TMEM132D: variants seen among roughly 807,000 people sequenced by gnomAD.
The protein encoded by TMEM132D is mature OL transmembrane protein.
A neutral mutation model predicts 62.3 loss-of-function variants in TMEM132D; 21 were observed. The observed-to-expected ratio is 0.34, with a 90% confidence interval of 0.24 to 0.49. TMEM132D has a LOEUF of 0.49. Among genes scored for constraint, TMEM132D ranks in the 20% least tolerant of loss-of-function variants. The probability of loss-of-function intolerance (pLI) is 0.99; values close to 1 mark genes in which losing one functional copy is unlikely to be tolerated. For missense variants in TMEM132D, 1,346 were observed against 1,402.8 expected, an observed-to-expected ratio of 0.96 and a Z score of 0.65; for synonymous variants, 621 against 575.6, an observed-to-expected ratio of 1.08 and a Z score of -1.13.
intron 4 of TMEM132D, among the ~76,000 whole-genome samples, chr12:129,256,818 C>A (rs1472769755): frequency 6.6e-6 from 1 of 152,218 alleles, no homozygotes; most frequent in Non-Finnish European, 1.5e-5. Context: ...GCTTTGACCT[C>A]CCAAAGGGCT....
chr12:129,087,955 CTGACCGGGGTGTCCTCCA>C (rs1874692639), intron 5 of TMEM132D, among the ~76,000 whole-genome samples: 4 of 33,394 alleles, frequency 1.2e-4, no homozygotes, highest in African/African-American at 4.4e-4. Context: ...GGTGTCCTCC[CTGACCGGGGTGTCCTCCA>C]TGACCGGGTG....
Position 129,648,276 on chromosome 12 carries a change from G to A in TMEM132D, c.968+51534C>T, listed in dbSNP as rs1027160200. The stretch of plus-strand genomic sequence containing the variant: ...ATCCTGTCCTGTGACCTCCACCCAG[G>A]AGCTGATTCAGTGCAGGAGGACAGC... On this transcript the variant is annotated intron_variant, in intron 2 of 8. Transcript: ENST00000422113. Among the ~76,000 whole-genome samples the A allele has an allele frequency of 3.3e-5, 5 of 152,124 alleles. No individual in the cohort carries two copies. In the South Asian group the frequency reaches 8.3e-4, roughly 25 times the overall value.
intron 2 of TMEM132D, among the ~76,000 whole-genome samples, chr12:129,598,103 G>A (rs1489603526): frequency 6.6e-6 from 1 of 152,178 alleles, no homozygotes; most frequent in African/African-American, 2.4e-5. Flanking sequence ...AATATAAATT[G>A]TACACATTTG....
At chr12:129,725,756 C>G (rs1479667505) in intron 1 of TMEM132D, among the ~76,000 whole-genome samples, 1 of 152,234 alleles carries the variant, frequency 6.6e-6, no homozygotes, top group African/African-American at 2.4e-5. Flanking sequence ...AGGCAGGCAT[C>G]TGCACAGAAA....
At chr12:129,522,206 A>G (rs1425453069) in intron 3 of TMEM132D, among the ~76,000 whole-genome samples, 2 of 152,214 alleles carry the variant, frequency 1.3e-5, no homozygotes, top group African/African-American at 4.8e-5. Flanking sequence ...AGCTGTCAGA[A>G]GAAAGTTGCT....
intron 3 of TMEM132D, among the ~76,000 whole-genome samples, chr12:129,497,774 C>T (rs61462200): frequency 6.6e-6 from 1 of 152,082 alleles, no homozygotes; most frequent in Non-Finnish European, 1.5e-5. Context: ...ATTCTCTCAC[C>T]TCAGCTTCCC....
chr12:129,474,927 A>G (rs2137049526), intron 3 of TMEM132D, among the ~76,000 whole-genome samples: 1 of 152,340 alleles, frequency 6.6e-6, no homozygotes, highest in African/African-American at 2.4e-5. Flanking sequence ...GGCTTTGGCC[A>G]GGCTGCATGC....
chr12:129,683,286 G>A (rs1003764375), intron 2 of TMEM132D, among the ~76,000 whole-genome samples: 1 of 152,196 alleles, frequency 6.6e-6, no homozygotes, highest in Non-Finnish European at 1.5e-5. Context: ...AAACTATAGG[G>A]CCTCTGGCCA....
intron 2 of TMEM132D, among the ~76,000 whole-genome samples, chr12:129,579,337 C>T (rs1001501694): frequency 1.2e-4 from 18 of 152,004 alleles, no homozygotes; most frequent in Admixed American, 7.9e-4. Flanking sequence ...TCTACAGGGA[C>T]GAAACTAATC....
chr12:129,466,279 CTTTTTTTTTTTTTTTTTTTTTTTTT>C (rs551019541), intron 3 of TMEM132D, among the ~76,000 whole-genome samples: 3 of 100,398 alleles, frequency 3.0e-5, no homozygotes, highest in Non-Finnish European at 3.9e-5. Flanking sequence ...TAGATTTTTC[CTTTTTTTTTTTTTTTTTTTTTTTTT>C]TTTTTTTTTT....
chr12:129,821,699 C>T lies in TMEM132D; in HGVS notation c.79+81562G>A, dbSNP rs11060571. ...CCCATTTTGGACAGTGCCACTCACCCTTCAACACACAGGTGCATCACCTGG... is the reference window on the plus strand; with the variant it reads ...CCCATTTTGGACAGTGCCACTCACCTTTCAACACACAGGTGCATCACCTGG... On this transcript the variant is annotated intron_variant, in intron 1 of 8. Transcript: ENST00000422113. Among the ~76,000 whole-genome samples, 1,115 of 152,310 alleles carry T rather than the reference C, an allele frequency of 7.3e-3. 30 individuals carry two copies. The South Asian group carries it at 0.078, about 11-fold the overall frequency.
Position 129,722,361 on chromosome 12 carries a change from C to T in TMEM132D, c.80-21663G>A, listed in dbSNP as rs888663262. 3.9e-5 allele frequency among the ~76,000 whole-genome samples: 6 copies of T among 152,326 alleles called. No homozygotes were observed. In the East Asian group the frequency reaches 7.7e-4, roughly 20 times the overall value. On this transcript the variant is annotated intron_variant, in intron 1 of 8. Coordinates refer to ENST00000422113, the MANE Select transcript of TMEM132D (RefSeq NM_133448.3). ...GTCACTCTTCCCCTAGCTGGTGCCA[C>T]CCCAACCTGGGCCTGCTGCAAGCCC...
At chr12:129,713,817 C>T (rs1221848915) in intron 1 of TMEM132D, among the ~76,000 whole-genome samples, 1 of 152,230 alleles carries the variant, frequency 6.6e-6, no homozygotes, top group Non-Finnish European at 1.5e-5. Flanking sequence ...ACCCCCAGAG[C>T]TTCTGTTCAG....
At chr12:129,322,757 A>T (rs942006636) in intron 4 of TMEM132D, among the ~76,000 whole-genome samples, 1 of 152,204 alleles carries the variant, frequency 6.6e-6, no homozygotes, top group Non-Finnish European at 1.5e-5. Context: ...TGTTGCATAC[A>T]GTAAGAGGTG....
At chr12:129,464,664 G>A (rs1593022107) in intron 3 of TMEM132D, among the ~76,000 whole-genome samples, 2 of 152,132 alleles carry the variant, frequency 1.3e-5, no homozygotes, top group East Asian at 1.9e-4. Flanking sequence ...TGTAAGGAAG[G>A]GATCCAGTTT....
intron 3 of TMEM132D, among the ~76,000 whole-genome samples, chr12:129,483,477 ACCCTGTGTCT>A (rs1874489141): frequency 6.6e-6 from 1 of 152,160 alleles, no homozygotes; most frequent in Non-Finnish European, 1.5e-5. Context: ...CAATATTCTA[ACCCTGTGTCT>A]TCTGAATCAA....
chr12:129,478,504 G>C (rs143221582), intron 3 of TMEM132D, among the ~76,000 whole-genome samples: 2 of 152,156 alleles, frequency 1.3e-5, no homozygotes, highest in Non-Finnish European at 2.9e-5. Context: ...ATTAAACAAG[G>C]CTGACTTTTA....
At chr12:129,771,846 T>G (rs752452720) in intron 1 of TMEM132D, among the ~76,000 whole-genome samples, 1 of 152,238 alleles carries the variant, frequency 6.6e-6, no homozygotes, top group Non-Finnish European at 1.5e-5. Context: ...TAACAGAACC[T>G]CTAGGACTTT....
intron 2 of TMEM132D, among the ~76,000 whole-genome samples, chr12:129,695,147 A>G (rs1881173080): frequency 6.6e-6 from 1 of 152,252 alleles, no homozygotes; most frequent in Non-Finnish European, 1.5e-5. Flanking sequence ...AATTTAATTC[A>G]GCTGAAGTTT....
Sources: gnomAD v4.1 joint callset for allele counts (sites outside exome capture counted in the v4.1 genomes callset) on GRCh38, gnomAD v4.1.1 for gene constraint, MANE v1.5 for transcripts, NCBI Gene and HGNC (gene_info 2026-07-23, HGNC 2026-07-21) for gene names.